The following CIROP variants were observed in gnomAD, a reference collection of about 807,000 sequenced individuals.
CIROP encodes ciliated left-right organizer metallopeptidase.
At chr14:23,104,459 G>C in the CIROP span, 1 of 702,974 alleles carries the variant, frequency 1.4e-6, no homozygotes, top group Non-Finnish European at 2.6e-6. Context: ...TCAGAAGCAG[G>C]GGTCCTTGCA....
At chr14:23,102,707 A>G in the CIROP span, 6 of 703,028 alleles carry the variant, frequency 8.5e-6, no homozygotes, top group Admixed American at 1.0e-4. Flanking sequence ...AATTCATGTA[A>G]TGTGGCCTAA....
chr14:23,100,462 A>G, the CIROP span: 3 of 412,508 alleles, frequency 7.3e-6, no homozygotes, highest in Non-Finnish European at 1.3e-5. Context: ...AAACATCCGG[A>G]CTCCATGGAT....
the CIROP span, chr14:23,101,353 G>A: frequency 1.9e-6 from 1 of 539,450 alleles, no homozygotes. Flanking sequence ...CACCTTGTAA[G>A]CTCCCCTCCC....
At chr14:23,099,712 G>A in the CIROP span, 7 of 326,636 alleles carry the variant, frequency 2.1e-5, no homozygotes, top group Admixed American at 5.0e-5. Flanking sequence ...GGCGCACGCC[G>A]CACCACCACG....
At chr14:23,100,337 G>A in the CIROP span, 1 of 409,892 alleles carries the variant, frequency 2.4e-6, no homozygotes. Context: ...TGTATGGGAG[G>A]AGGGAGTCAG....
chr14:23,100,499 T>C, the CIROP span: 2 of 413,382 alleles, frequency 4.8e-6, no homozygotes, highest in Non-Finnish European at 8.8e-6. Context: ...TGGAATATCT[T>C]ACTTGCTGGG....
At chr14:23,101,502 G>A in the CIROP span, 1 of 620,620 alleles carries the variant, frequency 1.6e-6, no homozygotes, top group Non-Finnish European at 2.9e-6. Flanking sequence ...GGGGATGGTA[G>A]ATCTCCCCAT....
chr14:23,099,131 C>T, the CIROP span: 1 of 409,976 alleles, frequency 2.4e-6, no homozygotes, highest in Non-Finnish European at 4.5e-6. Flanking sequence ...AAACTTCACC[C>T]TTTTTTCATT....
the CIROP span, chr14:23,102,448 CT>C: frequency 1.4e-6 from 1 of 702,802 alleles, no homozygotes; most frequent in African/African-American, 1.7e-5. Context: ...CCCCACTCAT[CT>C]TGCCTTGTCA....
chr14:23,101,382 G>A, the CIROP span: 1 of 572,966 alleles, frequency 1.7e-6, no homozygotes, highest in South Asian at 2.3e-5. Context: ...GATGTAAGTA[G>A]CAGCGGCCCA....
At chr14:23,100,223 C>T in the CIROP span, 3 of 269,246 alleles carry the variant, frequency 1.1e-5, no homozygotes, top group South Asian at 5.1e-4. Context: ...CCACTGCATT[C>T]CAGCCTGGGT....
the CIROP span, chr14:23,103,812 CAG>C: frequency 1.4e-6 from 1 of 702,266 alleles, no homozygotes; most frequent in South Asian, 1.5e-5. Context: ...AGATGGGTGT[CAG>C]GAATCTGGCA....
chr14:23,103,866 G>A, the CIROP span: 1 of 687,014 alleles, frequency 1.5e-6, no homozygotes. Flanking sequence ...GGAACAGTAG[G>A]AAATTGGGTA....
the CIROP span, chr14:23,100,918 C>T: frequency 1.8e-5 from 7 of 398,938 alleles, no homozygotes; most frequent in South Asian, 8.9e-4. Flanking sequence ...GCTGTTCCTT[C>T]CCCAGAGAGT....
chr14:23,100,877 G>T, the CIROP span: 4 of 398,930 alleles, frequency 1.0e-5, no homozygotes, highest in South Asian at 5.1e-4. Context: ...GCTCGCCAAA[G>T]CCTCCAGTAC....
chr14:23,102,249 C>G, the CIROP span: 1 of 702,934 alleles, frequency 1.4e-6, no homozygotes, highest in African/African-American at 1.7e-5. Flanking sequence ...CCTCCCAGTG[C>G]GAGGACAGAA....
chr14:23,104,734 G>C, the CIROP span: 1 of 703,014 alleles, frequency 1.4e-6, no homozygotes. Context: ...CTTTGGATTC[G>C]TAGGGGTTGA....
the CIROP span, chr14:23,100,612 G>A: frequency 2.5e-6 from 1 of 400,884 alleles, no homozygotes; most frequent in Non-Finnish European, 4.4e-6. Context: ...GCCCTTGGCA[G>A]CCAGGGGACT....
At chr14:23,100,380 T>C in the CIROP span, 1 of 412,050 alleles carries the variant, frequency 2.4e-6, no homozygotes, top group Non-Finnish European at 4.4e-6. Context: ...GTGTTAGGGA[T>C]CTTTGTTCTC....
Sources: gnomAD v4.1 joint callset for allele counts on GRCh38, gnomAD v4.1.1 for gene constraint, MANE v1.5 for transcripts, NCBI Gene and HGNC (gene_info 2026-07-23, HGNC 2026-07-21) for gene names.